ARHGEF10: variants seen among roughly 807,000 people sequenced by gnomAD.
ARHGEF10 encodes the protein Rho guanine nucleotide exchange factor (GEF) 10.
Under a neutral mutation model 147.4 loss-of-function variants are expected in ARHGEF10, and 140 were observed. The observed-to-expected ratio is 0.95, with a 90% CI of 0.83 to 1.09. The LOEUF (loss-of-function observed/expected upper bound fraction) is 1.09. Among genes scored for constraint, ARHGEF10 ranks in the 50% least tolerant of loss-of-function variants. The pLI is 0.00. For synonymous variants in ARHGEF10, 902 were observed against 695.8 expected (o/e 1.30, Z -4.67); for missense variants, 2,222 against 1,752.7 (o/e 1.27, Z -4.78).
At chr8:1,900,444 A>G (rs1279882725) in intron 15 of ARHGEF10, among the ~76,000 whole-genome samples, 3 of 152,180 alleles carry the variant, frequency 2.0e-5, no homozygotes, top group Non-Finnish European at 2.9e-5. Flanking sequence ...ATGGTGACAC[A>G]GCCCGACAGA....
chr8:1,874,085 C>G (rs1807428277), intron 7 of ARHGEF10, among the ~76,000 whole-genome samples: 1 of 152,190 alleles, frequency 6.6e-6, no homozygotes, highest in African/African-American at 2.4e-5. Flanking sequence ...GCCAGGGTGA[C>G]TGGATTTAAC....
In ARHGEF10 at chr8:1,919,680, G is replaced by A. The variant is rs141752228; in HGVS notation, c.2144-3284G>A. Among the ~76,000 whole-genome samples the A allele has an allele frequency of 6.0e-4, 90 of 150,260 alleles. 4 individuals are homozygous for A. The highest frequency in any genetic ancestry group is 2.2e-3 in the African/African-American group (88 of 40,266). On this transcript the variant is annotated intron_variant, in intron 18 of 28. Transcript: ENST00000349830. ...CTGTCAGTGATGGAGCTGTTCTATGGGTGATGAGCTGTTTTGTGGGTGATG... is the reference window on the plus strand; with the variant it reads ...CTGTCAGTGATGGAGCTGTTCTATGAGTGATGAGCTGTTTTGTGGGTGATG...
chr8:1,893,120 C>G (rs1015427565), intron 11 of ARHGEF10, among the ~76,000 whole-genome samples: 2 of 148,294 alleles, frequency 1.3e-5, no homozygotes, highest in African/African-American at 2.5e-5. Flanking sequence ...AAAGATTCCT[C>G]CACATTCCAC....
At chr8:1,883,666 G>A (rs1277703132) in intron 10 of ARHGEF10, among the ~76,000 whole-genome samples, 1 of 152,190 alleles carries the variant, frequency 6.6e-6, no homozygotes, top group Non-Finnish European at 1.5e-5. Flanking sequence ...TTTATTTGGT[G>A]ATGGAGACGG....
rs1418670639 is a variant in ARHGEF10 at position 1,923,057 on chromosome 8, G to A, written c.2237G>A (p.Gly746Glu). ...ATTGGCCAAATCACTCAGCTGATAG[G>A]AAACCTTAAAGGAAACTATCAGGTA... The part of the protein sequence containing the change: ...NVIGQITQLI[G>E]NLKGNYQNLN... The change falls in exon 19 of 29, where the codon GGA becomes GAA. Residue 746 changes from glycine (G) to glutamate (E), a missense_variant. Gly to Glu is a moderately conservative substitution (Grantham distance 98). Coordinates refer to ENST00000349830, the MANE Select transcript of ARHGEF10 (RefSeq NM_014629.4). 4 of 1,611,236 alleles carry A rather than the reference G, an allele frequency of 2.5e-6. No homozygotes were observed. The South Asian group carries it at 4.4e-5, about 18-fold the overall frequency.
chr8:1,838,921 T>C (rs921363981), intron 1 of ARHGEF10, among the ~76,000 whole-genome samples: 1 of 144,776 alleles, frequency 6.9e-6, no homozygotes, highest in African/African-American at 2.6e-5. Context: ...GACCATCCAG[T>C]GTGGGGCTGT....
chr8:1,832,423 GAGACAGAGGC>G (rs1186377403), intron 1 of ARHGEF10, among the ~76,000 whole-genome samples: 4 of 144,294 alleles, frequency 2.8e-5, no homozygotes, highest in African/African-American at 7.7e-5. Context: ...GAGACAGAGA[GAGACAGAGGC>G]AGACAGAGGC....
Position 1,946,450 on chromosome 8 carries a change from G to A in ARHGEF10, c.3397+795G>A, listed in dbSNP as rs74486821. ...ATGCCGGGGAGCACGGTGCCTGCAG[G>A]GCCGGTTTCTGGGAGGATCTGCTTC... On this transcript the variant is annotated intron_variant, in intron 27 of 28. Transcript: ENST00000349830. Among the ~76,000 whole-genome samples, 882 of 152,320 alleles carry A rather than the reference G, an allele frequency of 5.8e-3. 12 individuals are homozygous for A. The highest frequency in any genetic ancestry group is 0.02 in the African/African-American group (844 of 41,582).
intron 26 of ARHGEF10, among the ~76,000 whole-genome samples, chr8:1,935,329 C>A (rs1813495967): frequency 6.6e-6 from 1 of 152,124 alleles, no homozygotes; most frequent in Non-Finnish European, 1.5e-5. Flanking sequence ...TCAGGGTCCA[C>A]TGGGGGCTTA....
At chr8:1,911,972 T>C (rs1194365951) in intron 18 of ARHGEF10, among the ~76,000 whole-genome samples, 1 of 152,240 alleles carries the variant, frequency 6.6e-6, no homozygotes, top group Non-Finnish European at 1.5e-5. Flanking sequence ...ATTCTCATTC[T>C]CAGTCGATAG....
chr8:1,943,497 G>T (rs1316246002), intron 26 of ARHGEF10: 3 of 152,272 alleles, frequency 2.0e-5, no homozygotes, highest in Non-Finnish European at 4.4e-5. Flanking sequence ...GAACCATCTG[G>T]AATCCGAACC....
chr8:1,902,361 C>T (rs971070094), intron 15 of ARHGEF10, among the ~76,000 whole-genome samples: 2 of 152,150 alleles, frequency 1.3e-5, no homozygotes, highest in Non-Finnish European at 1.5e-5. Context: ...TTTGTTACTG[C>T]CTGTTAACGT....
chr8:1,879,345 G>C (rs558104358), intron 8 of ARHGEF10, among the ~76,000 whole-genome samples: 1 of 152,076 alleles, frequency 6.6e-6, no homozygotes, highest in Non-Finnish European at 1.5e-5. Flanking sequence ...TTAAATACAA[G>C]TATCTTTTGC....
Position 1,957,184 on chromosome 8 carries a change from A to G in ARHGEF10, c.3956A>G (p.His1319Arg), listed in dbSNP as rs964562383. 4 of 1,612,492 alleles carry G rather than the reference A, an allele frequency of 2.5e-6. No homozygotes were observed. Among genetic ancestry groups the G allele is most frequent in the Non-Finnish European group, 3.4e-6 (4 of 1,179,998 alleles). Reference sequence around the variant, plus strand: ...GGAGGGCAGGGCCACCGCCGGGTGCACAGGAAGGCCCGGCAGCCCCACCAG... The same window carrying G: ...GGAGGGCAGGGCCACCGCCGGGTGCGCAGGAAGGCCCGGCAGCCCCACCAG... ...VCGGQGHRRV[H>R]RKARQPHQEE... The change falls in exon 29 of 29, where the codon CAC becomes CGC. Residue 1319 changes from histidine (H) to arginine (R), a missense_variant. His to Arg is a conservative substitution (Grantham distance 29, BLOSUM62 0). Coordinates refer to ENST00000349830, the MANE Select transcript of ARHGEF10 (RefSeq NM_014629.4).
intron 11 of ARHGEF10, among the ~76,000 whole-genome samples, chr8:1,889,782 GGTGAGGGTTGTGAGCAGACACTTC>G (rs1809273997): frequency 7.1e-6 from 1 of 140,770 alleles, no homozygotes; most frequent in Non-Finnish European, 1.5e-5. Context: ...CACTGAGTGG[GGTGAGGGTTGTGAGCAGACACTTC>G]ATGGGAGGAG....
chr8:1,864,009 C>G (rs1400336079), intron 4 of ARHGEF10, among the ~76,000 whole-genome samples: 1 of 151,976 alleles, frequency 6.6e-6, no homozygotes, highest in Non-Finnish European at 1.5e-5. Context: ...GAGAGAACAT[C>G]CCGTTTCTTT....
At chr8:1,894,914 A>G (rs1056552250) in intron 13 of ARHGEF10, among the ~76,000 whole-genome samples, 7 of 152,322 alleles carry the variant, frequency 4.6e-5, no homozygotes, top group South Asian at 2.1e-4. Flanking sequence ...GTGTTTGGCA[A>G]TGTTGTAAAA....
intron 11 of ARHGEF10, among the ~76,000 whole-genome samples, chr8:1,888,529 T>C (rs1585404480): frequency 7.7e-6 from 1 of 129,596 alleles, no homozygotes; most frequent in African/African-American, 3.5e-5. Context: ...GTGAGGGGTC[T>C]GTGAGGAGAC....
chr8:1,845,326 T>A (rs1472861812), intron 2 of ARHGEF10, among the ~76,000 whole-genome samples: 1 of 152,230 alleles, frequency 6.6e-6, no homozygotes, highest in Non-Finnish European at 1.5e-5. Context: ...CTTTTTGGCA[T>A]TTCTTGGAAA....
Sources: allele counts gnomAD v4.1 joint callset (sites outside exome capture counted in the v4.1 genomes callset), GRCh38; gene constraint gnomAD v4.1.1; transcripts MANE v1.5; gene names NCBI Gene and HGNC (gene_info 2026-07-23, HGNC 2026-07-21).